FCRL3: variants seen among roughly 807,000 people sequenced by gnomAD.
FCRL3 encodes Fc receptor-like protein 3.
FCRL3 carries 89 observed loss-of-function variants against 75.0 expected under a neutral mutation model. That is an observed-to-expected ratio of 1.19 (90% confidence interval 1.00 to 1.42). The LOEUF is 1.42. FCRL3 is among the 40% of genes most tolerant of loss of function. The pLI is 0.00. For missense variants in FCRL3, 946 were observed against 880.0 expected (o/e 1.07, Z -0.95); for synonymous variants, 376 against 348.5 (o/e 1.08, Z -0.88).
In FCRL3 at chr1:157,677,438, A is replaced by C; in HGVS notation, c.*1272T>G. Reference sequence around the variant, plus strand: ...TAGAATTGGCAACATTCAGAGATTAATGTTAATATAATCTCAGTTGTCCCT... The same window carrying C: ...TAGAATTGGCAACATTCAGAGATTACTGTTAATATAATCTCAGTTGTCCCT... On this transcript the variant is annotated 3_prime_UTR_variant, in exon 15 of 15. Transcript: ENST00000368184. 1.0e-6 allele frequency: 1 copy of C among 985,480 alleles called. No individual in the cohort carries two copies. The highest frequency in any genetic ancestry group is 4.7e-5 in the South Asian group (1 of 21,294). 61.0% of individuals were successfully genotyped at this position (985,480 alleles called of 1,614,324 possible).
intron 10 of FCRL3, among the ~76,000 whole-genome samples, chr1:157,685,437 G>A (rs1486403132): frequency 6.6e-6 from 1 of 151,944 alleles, no homozygotes; most frequent in Admixed American, 6.6e-5. Flanking sequence ...CATAAAACAA[G>A]TTCCTCTTGA....
chr1:157,681,100 C>T lies in FCRL3; in HGVS notation c.1839-1G>A. ...CTCCTGACACTCACTAGGACTGTGA[C>T]TGTGACAGAGGGGGAGAGAATGGAT... On this transcript the variant is annotated splice_acceptor_variant, in intron 11 of 14. Coordinates refer to ENST00000368184, the MANE Select transcript of FCRL3 (RefSeq NM_052939.4). LOFTEE classifies it high-confidence loss of function. The T allele has an allele frequency of 1.3e-6, 2 of 1,546,598 alleles. No individual in the cohort carries two copies. Among genetic ancestry groups the T allele is most frequent in the Admixed American group, 2.2e-5 (1 of 45,576 alleles).
rs150215961 is a variant in FCRL3, at chr1:157,690,016, C to T, written c.1691-99G>A. On this transcript the variant is annotated intron_variant, in intron 9 of 14. Coordinates refer to ENST00000368184, the MANE Select transcript of FCRL3 (RefSeq NM_052939.4). The stretch of plus-strand genomic sequence containing the variant: ...GAGTGTGTTCCAGTTTCTGATTCCT[C>T]CTGTAGCATCATTTGTAATTTTCAA... 1.3e-4 allele frequency: 203 copies of T among 1,524,326 alleles called. No homozygotes were observed. The East Asian group carries it at 4.3e-3, about 32-fold the overall frequency. 94.4% of individuals were successfully genotyped at this position (1,524,326 alleles called of 1,614,324 possible). A position where few individuals can be genotyped will look rare whatever the true frequency, so the allele number is the denominator to read the frequency against.
In FCRL3 at chr1:157,698,618, T is replaced by C. The variant is rs746458758; in HGVS notation, c.64A>G (p.Lys22Glu). 9.9e-6 allele frequency: 16 copies of C among 1,613,888 alleles called. No individual in the cohort carries two copies. The highest frequency in any genetic ancestry group is 1.3e-5 in the African/African-American group (1 of 74,908). The change falls in exon 4 of 15, where the codon AAA becomes GAA. Residue 22 changes from lysine to glutamate, a missense_variant. Coordinates refer to ENST00000368184, the MANE Select transcript of FCRL3 (RefSeq NM_052939.4). ...PGREQSGVAP[K>E]AVLLLNPPWS... is the part of the protein sequence containing the mutation. ...GGAGGATTGAGGAGAAGTACAGCTT[T>C]TGGGGCCACCCCTAAACAGGAAATA...
In FCRL3 at chr1:157,697,492, C is replaced by T. The variant is rs138019419; in HGVS notation, c.560-68G>A. 7 of 1,499,086 alleles carry T rather than the reference C, an allele frequency of 4.7e-6. No individual in the cohort carries two copies. In the African/African-American group the frequency reaches 8.4e-5, roughly 18 times the overall value. The allele number at this position is 1,499,086 out of a possible 1,614,324, so 92.9% of individuals were successfully genotyped here. A position where few individuals can be genotyped will look rare whatever the true frequency, so the allele number is the denominator to read the frequency against. ...AGAGTTCCTAGAGAGATGCATTTGT[C>T]ATCTCAGCACCAGCCATCAGGAGAT... is the stretch of plus-strand genomic sequence containing the variant. On this transcript the variant is annotated intron_variant, in intron 5 of 14. Transcript: ENST00000368184.
chr1:157,696,825 A>T, intron 6 of FCRL3: 1 of 248,102 alleles, frequency 4.0e-6, no homozygotes, highest in East Asian at 8.1e-5. Context: ...GAAGCACCAC[A>T]GGGGCCTCTT....
At position 157,696,237 on chromosome 1, in the gene FCRL3, G is replaced by T. The variant is rs115903952; in HGVS notation, c.935C>A (p.Ala312Asp). 11,819 of 1,613,912 alleles carry T rather than the reference G, an allele frequency of 7.3e-3. 58 individuals are homozygous for T. The highest frequency in any genetic ancestry group is 8.5e-3 in the Non-Finnish European group (10,074 of 1,179,996). ...GENMVLICSV[A>D]QGSGTVTFSW... ...GAATGTGACAGTCCCTGAACCCTGGGCTACTGAGCAAATAAGGACCATATT... is the reference window on the plus strand; with the variant it reads ...GAATGTGACAGTCCCTGAACCCTGGTCTACTGAGCAAATAAGGACCATATT... The change falls in exon 7 of 15, where the codon GCC becomes GAC. Residue 312 changes from alanine to aspartate, a missense_variant. Transcript: ENST00000368184.
Position 157,689,791 on chromosome 1 carries a change from C to T in FCRL3, c.1810+7G>A, listed in dbSNP as rs200941382. On this transcript the variant is annotated splice_region_variant and intron_variant, in intron 10 of 14. Coordinates refer to ENST00000368184, the MANE Select transcript of FCRL3 (RefSeq NM_052939.4). The stretch of plus-strand genomic sequence containing the variant: ...ATCACATCACAAGGTAGGACCTAGA[C>T]ACCCACCTGGTTTCCTTCGGGCCCT... 12 of 1,614,134 alleles carry T rather than the reference C, an allele frequency of 7.4e-6. No individual in the cohort carries two copies. The highest frequency in any genetic ancestry group is 9.3e-6 in the Non-Finnish European group (11 of 1,180,006).
chr1:157,697,000 G>T (rs192381410), intron 6 of FCRL3, 140 bp downstream of exon 6: 1 of 831,008 alleles, frequency 1.2e-6, no homozygotes, highest in Non-Finnish European at 1.6e-6. Flanking sequence ...TTAGACCAAC[G>T]TTGAGCTTAA....
intron 11 of FCRL3, 125 bp from the exon 12 acceptor site, chr1:157,681,224 T>C (rs1054642006): frequency 3.9e-6 from 2 of 507,954 alleles, no homozygotes; most frequent in South Asian, 1.2e-4. Context: ...TGTCTGCTTC[T>C]GCTTGGGTCT....
intron 7 of FCRL3, 49 bp downstream of exon 7, chr1:157,695,991 T>C (rs761983243): frequency 6.6e-6 from 10 of 1,509,054 alleles, no homozygotes; most frequent in Non-Finnish European, 8.9e-6. Flanking sequence ...ACAGAGAACC[T>C]AAACCCTGGC....
intron 6 of FCRL3, 70 bp downstream of exon 6, chr1:157,697,070 G>C: frequency 3.0e-6 from 4 of 1,338,234 alleles, no homozygotes; most frequent in Non-Finnish European, 3.9e-6. Flanking sequence ...CATCCTAGGG[G>C]TGCAGGAGAT....
In FCRL3 at chr1:157,690,430, C is replaced by T. The variant is rs138291587; in HGVS notation, c.1515G>A (p.Pro505=). 8.1e-5 allele frequency: 131 copies of T among 1,614,100 alleles called. No homozygotes were observed. The highest frequency in any genetic ancestry group is 3.2e-4 in the African/African-American group (24 of 74,922). The change falls in exon 9 of 15, where the codon CCG becomes CCA. Residue 505 remains proline, a synonymous_variant. Coordinates refer to ENST00000368184, the MANE Select transcript of FCRL3 (RefSeq NM_052939.4). ...CCTCGTGATAAAACCAGTACAGGAT[C>T]GGGAAGGAGCCTCTCAGGGACTCAC... ...LHCESLRGSF[P]ILYWFYHEDD... is the part of the protein sequence containing the mutation.
Position 157,695,501 on chromosome 1 carries a change from G to A in FCRL3, c.1239C>T (p.Ile413=), listed in dbSNP as rs1244020553. ...HCESLRGSPP[I]LYRFYHEDVT... ...CATCCTCATGATAAAATCGGTACAG[G>A]ATCGGGGGAGAGCCTCTCAGGGACT... The change falls in exon 8 of 15, where the codon ATC becomes ATT. Residue 413 remains isoleucine, a synonymous_variant. Coordinates refer to ENST00000368184, the MANE Select transcript of FCRL3 (RefSeq NM_052939.4). The A allele has an allele frequency of 1.9e-6, 3 of 1,614,048 alleles. No homozygotes were observed. Among genetic ancestry groups the A allele is most frequent in the Non-Finnish European group, 2.5e-6 (3 of 1,180,030 alleles).
rs1046481733 is a variant in FCRL3, at chr1:157,682,134, C to T, written c.1839-1035G>A. 5.7e-4 allele frequency among the ~76,000 whole-genome samples: 86 copies of T among 152,048 alleles called. 1 individual carries two copies. The highest frequency in any genetic ancestry group is 6.6e-4 in the Non-Finnish European group (45 of 68,022). On this transcript the variant is annotated intron_variant, in intron 11 of 14. Transcript: ENST00000368184. ...ATTTGTTTGAGTTCATCGTAGATTCCGGATATTAGCCGTTTGTCAGATGAG... is the reference window on the plus strand; with the variant it reads ...ATTTGTTTGAGTTCATCGTAGATTCTGGATATTAGCCGTTTGTCAGATGAG...
intron 11 of FCRL3, among the ~76,000 whole-genome samples, chr1:157,682,014 T>C (rs1209614210): frequency 6.6e-6 from 1 of 151,948 alleles, no homozygotes; most frequent in Non-Finnish European, 1.5e-5. Flanking sequence ...CATTTTTTCA[T>C]GTGTTTTTTG....
chr1:157,690,623 C>T (rs1179650367), intron 8 of FCRL3, 90 bp from the exon 9 acceptor site: 28 of 1,479,556 alleles, frequency 1.9e-5, no homozygotes, highest in African/African-American at 4.2e-5. Context: ...AGTTGAGTTG[C>T]GGGAACATGC....
intron 10 of FCRL3, among the ~76,000 whole-genome samples, chr1:157,685,149 A>G (rs908655505): frequency 2.6e-5 from 4 of 151,894 alleles, no homozygotes; most frequent in Non-Finnish European, 5.9e-5. Context: ...CAACCTCAAC[A>G]CTGAGATTCA....
In FCRL3 at chr1:157,698,613, A is replaced by G; in HGVS notation, c.69T>C (p.Ala23=). The G allele has an allele frequency of 1.2e-6, 2 of 1,614,074 alleles. No individual in the cohort carries two copies. The highest frequency in any genetic ancestry group is 1.7e-6 in the Non-Finnish European group (2 of 1,179,924). ...GREQSGVAPK[A]VLLLNPPWST... ...ACCATGGAGGATTGAGGAGAAGTAC[A>G]GCTTTTGGGGCCACCCCTAAACAGG... The change falls in exon 4 of 15, where the codon GCT becomes GCC. Residue 23 remains alanine (A), a synonymous_variant. Coordinates refer to ENST00000368184, the MANE Select transcript of FCRL3 (RefSeq NM_052939.4).
Sources: gnomAD v4.1 joint callset for allele counts (sites outside exome capture counted in the v4.1 genomes callset) on GRCh38, gnomAD v4.1.1 for gene constraint, MANE v1.5 for transcripts, NCBI Gene and HGNC (gene_info 2026-07-23, HGNC 2026-07-21) for gene names.